UTRN: variants seen among roughly 807,000 people sequenced by gnomAD.
The protein encoded by UTRN is utrophin.
In UTRN, 283 loss-of-function variants were observed where a neutral mutation model predicts 463.9. The ratio of observed to expected loss-of-function variants is 0.61; its 90% CI spans 0.55 to 0.67. The LOEUF (loss-of-function observed/expected upper bound fraction) is 0.67. Among genes scored for constraint, UTRN ranks in the 30% least tolerant of loss-of-function variants. UTRN has a pLI of 0.00. For synonymous variants in UTRN, 1,442 were observed against 1,431.5 expected (o/e 1.01, Z -0.17); for missense variants, 3,922 against 4,084.3 (o/e 0.96, Z 1.08).
intron 32 of UTRN, among the ~76,000 whole-genome samples, chr6:144,492,539 A>C (rs1445085505): frequency 6.6e-6 from 1 of 152,196 alleles, no homozygotes; most frequent in Admixed American, 6.5e-5. Flanking sequence ...TATACCCAGT[A>C]ATAGGATTTC....
chr6:144,691,118 ATTAT>A (rs761480467), intron 52 of UTRN, among the ~76,000 whole-genome samples: 1 of 152,082 alleles, frequency 6.6e-6, no homozygotes, highest in Non-Finnish European at 1.5e-5. Context: ...TTTCAACTTG[ATTAT>A]TTATTTATTT....
chr6:144,432,354 G>GTC lies in UTRN; in HGVS notation c.855+2625_855+2626dup, dbSNP rs72581184. On this transcript the variant is annotated intron_variant, in intron 9 of 74. Transcript: ENST00000367545. ...TTAATCTATCAAAATACAACTCTCT[G>GTC]TCTCTCTCTCTCTTTCTGTCACTCT... 0.012 allele frequency among the ~76,000 whole-genome samples: 1,783 copies of GTC among 151,936 alleles called. 66 individuals carry two copies. In the East Asian group the frequency reaches 0.13, roughly 11 times the overall value.
chr6:144,461,282 G>C lies in UTRN; in HGVS notation c.2793G>C (p.Gln931His), dbSNP rs772047326. 1.9e-6 allele frequency: 3 copies of C among 1,606,886 alleles called. No homozygotes were observed. The highest frequency in any genetic ancestry group is 1.1e-5 in the South Asian group (1 of 89,792). Residue 931 changes from glutamine (Q) to histidine (H), a missense_variant, in exon 22 of 75, where the codon CAG becomes CAC. Physicochemically the swap from Gln to His is conservative, Grantham distance 24 (BLOSUM62 0). Around this residue, in one of 3 missense-constraint regions of UTRN, gnomAD observed 2,349 missense variants for 2,303.8 expected, o/e 1.02. Transcript: ENST00000367545. ...DVLNDSENKA[Q>H]VSLNVLNDLA... is the part of the protein sequence containing the mutation. ...TAAATGATTCAGAAAATAAGGCCCA[G>C]GTGTCTCTGAATGTCCTTAATGATC...
chr6:144,832,738 T>C (rs1780771607), intron 69 of UTRN, among the ~76,000 whole-genome samples: 1 of 152,196 alleles, frequency 6.6e-6, no homozygotes, highest in Non-Finnish European at 1.5e-5. Flanking sequence ...TTAAGTCTTT[T>C]CTTTCCATAT....
At chr6:144,388,156 A>T (rs962364571) in intron 2 of UTRN, among the ~76,000 whole-genome samples, 1 of 152,220 alleles carries the variant, frequency 6.6e-6, no homozygotes, top group South Asian at 2.1e-4. Context: ...CAGTGCTAAC[A>T]TTTTGGCTCT....
chr6:144,606,870 T>C (rs1804904958), intron 51 of UTRN, among the ~76,000 whole-genome samples: 1 of 152,204 alleles, frequency 6.6e-6, no homozygotes, highest in South Asian at 2.1e-4. Context: ...ACAGGTGACC[T>C]GCAATTCCTC....
chr6:144,630,316 A>T (rs1225452652), intron 51 of UTRN, among the ~76,000 whole-genome samples: 1 of 152,220 alleles, frequency 6.6e-6, no homozygotes, highest in Non-Finnish European at 1.5e-5. Context: ...GGGCCTGTGT[A>T]TTAGCCTGTT....
intron 38 of UTRN, 62 bp from the exon 39 acceptor site, chr6:144,516,749 A>G (rs1585088819): frequency 7.6e-7 from 1 of 1,322,182 alleles, no homozygotes; most frequent in Admixed American, 3.4e-5. Context: ...TTAGGAGTTG[A>G]TAGGAAGTGA....
At chr6:144,462,633 A>G (rs1789539684) in intron 22 of UTRN, 21 bp from the exon 23 acceptor site, 2 of 1,579,520 alleles carry the variant, frequency 1.3e-6, no homozygotes, top group Non-Finnish European at 1.7e-6. Flanking sequence ...CATATTTTTA[A>G]TCTTTTAAAA....
At chr6:144,499,530 C>G in intron 34 of UTRN, 103 bp downstream of exon 34, 2 of 926,426 alleles carry the variant, frequency 2.2e-6, no homozygotes, top group Non-Finnish European at 3.0e-6. Context: ...TATATTAAAT[C>G]TAGCCTTTTC....
intron 10 of UTRN, among the ~76,000 whole-genome samples, chr6:144,436,959 A>AT (rs202190574): frequency 0.026 from 3,708 of 140,640 alleles, 128 homozygotes; most frequent in East Asian, 0.13. Context: ...TATATTTATA[A>AT]TTTTTTTTTT....
At chr6:144,751,628 A>G (rs1791413344) in intron 55 of UTRN, among the ~76,000 whole-genome samples, 178 bp from the exon 56 acceptor site, 1 of 152,104 alleles carries the variant, frequency 6.6e-6, no homozygotes, top group Admixed American at 6.6e-5. Context: ...CAAATACTGT[A>G]TTTTCCATAT....
At chr6:144,436,419 G>T (rs572213958) in intron 10 of UTRN, among the ~76,000 whole-genome samples, 1 of 152,272 alleles carries the variant, frequency 6.6e-6, no homozygotes, top group African/African-American at 2.4e-5. Context: ...GAAGTGCATT[G>T]TTATATTTCA....
In UTRN at chr6:144,777,223, G is replaced by C. The variant is rs117720672; in HGVS notation, c.8632+2859G>C. On this transcript the variant is annotated intron_variant, in intron 60 of 74. Coordinates refer to ENST00000367545, the MANE Select transcript of UTRN (RefSeq NM_007124.3). The stretch of plus-strand genomic sequence containing the variant: ...GATGTGTCCAAGGAGATTTATAGCA[G>C]TACTTTTCATAGTAAAACTCATTCA... 4.4e-3 allele frequency among the ~76,000 whole-genome samples: 674 copies of C among 152,170 alleles called. 15 individuals are homozygous for C. In the East Asian group the frequency reaches 0.067, roughly 15 times the overall value.
intron 65 of UTRN, among the ~76,000 whole-genome samples, chr6:144,805,921 A>G (rs1778109323): frequency 6.6e-6 from 1 of 152,206 alleles, no homozygotes; most frequent in South Asian, 2.1e-4. Context: ...AAAGGCAACT[A>G]TCAGATTGTA....
chr6:144,408,326 A>G (rs60717992), intron 3 of UTRN, among the ~76,000 whole-genome samples: 4,717 of 152,294 alleles, frequency 0.031, 150 homozygotes, highest in African/African-American at 0.078. Context: ...CGGTCTCCCA[A>G]GGGAGGCAGC....
chr6:144,625,832 T>A (rs539986055), intron 51 of UTRN, among the ~76,000 whole-genome samples: 1 of 152,216 alleles, frequency 6.6e-6, no homozygotes. Flanking sequence ...CTTCCTTTTA[T>A]GTGACAAAAA....
At chr6:144,395,621 A>C (rs973497146) in intron 2 of UTRN, among the ~76,000 whole-genome samples, 4 of 152,206 alleles carry the variant, frequency 2.6e-5, no homozygotes, top group African/African-American at 9.6e-5. Context: ...AAATTAGAAG[A>C]TGGAATTAAT....
At chr6:144,811,147 A>G (rs1778572901) in intron 65 of UTRN, among the ~76,000 whole-genome samples, 1 of 151,954 alleles carries the variant, frequency 6.6e-6, no homozygotes, top group South Asian at 2.1e-4. Flanking sequence ...CAAAAATAAA[A>G]CACACACACA....
Sources: allele counts gnomAD v4.1 joint callset (sites outside exome capture counted in the v4.1 genomes callset), GRCh38; gene constraint gnomAD v4.1.1; regional missense constraint gnomAD v4.1.1; transcripts MANE v1.5; gene names NCBI Gene and HGNC (gene_info 2026-07-23, HGNC 2026-07-21).